IMMP2L: variants seen among roughly 807,000 people sequenced by gnomAD.
IMMP2L encodes the protein inner mitochondrial membrane peptidase subunit 2.
In IMMP2L, 18 loss-of-function variants were observed where a neutral mutation model predicts 19.3. That is an observed-to-expected ratio of 0.93 (90% CI 0.64 to 1.38). The LOEUF (loss-of-function observed/expected upper bound fraction) is 1.38. IMMP2L is among the 40% of genes most tolerant of loss of function. IMMP2L has a pLI of 0.00. For synonymous variants in IMMP2L, 76 were observed against 73.0 expected, an observed-to-expected ratio of 1.04 and a Z score of -0.21; for missense variants, 233 against 218.2, an observed-to-expected ratio of 1.07 and a Z score of -0.43.
At chr7:111,249,391 C>T (rs1204008783) in intron 3 of IMMP2L, among the ~76,000 whole-genome samples, 87 of 144,124 alleles carry the variant, frequency 6.0e-4, no homozygotes, top group African/African-American at 1.8e-3. Context: ...GCGCACGGTG[C>T]GCACACACAC....
chr7:111,060,683 A>G lies in IMMP2L; in HGVS notation c.240-97118T>C, dbSNP rs535768573. On this transcript the variant is annotated intron_variant, in intron 3 of 5. Transcript: ENST00000405709. ...TCTTAGTGTTTTTGCAAAAGATCTAAATGCATTAATTCATGTAAAGTGCTT... is the reference window on the plus strand; with the variant it reads ...TCTTAGTGTTTTTGCAAAAGATCTAGATGCATTAATTCATGTAAAGTGCTT... Among the ~76,000 whole-genome samples, 29 of 152,336 alleles carry G rather than the reference A, an allele frequency of 1.9e-4. No homozygotes were observed. The South Asian group carries it at 5.8e-3, about 30-fold the overall frequency.
chr7:111,437,392 C>T (rs1837285348), intron 3 of IMMP2L, among the ~76,000 whole-genome samples: 1 of 151,772 alleles, frequency 6.6e-6, no homozygotes, highest in Non-Finnish European at 1.5e-5. Flanking sequence ...TTGCACTGAG[C>T]CGAGATCACG....
At position 111,280,801 on chromosome 7, in the gene IMMP2L, G is replaced by A. The variant is rs375668147; in HGVS notation, c.239+206437C>T. Among the ~76,000 whole-genome samples the A allele has an allele frequency of 1.2e-4, 18 of 152,208 alleles. No individual in the cohort carries two copies. The East Asian group carries it at 2.9e-3, about 25-fold the overall frequency. Reference sequence around the variant, plus strand: ...AGGAGTGAAATTGGCCGGGTGCGGTGGCTCAGGCCTGTAATCCCAGGACTT... The same window carrying A: ...AGGAGTGAAATTGGCCGGGTGCGGTAGCTCAGGCCTGTAATCCCAGGACTT... On this transcript the variant is annotated intron_variant, in intron 3 of 5. Transcript: ENST00000405709.
chr7:111,289,944 C>G (rs774133581), intron 3 of IMMP2L, among the ~76,000 whole-genome samples: 1 of 151,962 alleles, frequency 6.6e-6, no homozygotes, highest in Non-Finnish European at 1.5e-5. Context: ...AACATAAAAC[C>G]TAGTAGTGAA....
intron 3 of IMMP2L, among the ~76,000 whole-genome samples, chr7:111,358,945 G>A (rs1403391729): frequency 6.6e-6 from 1 of 152,136 alleles, no homozygotes; most frequent in African/African-American, 2.4e-5. Context: ...GTGCAGATTA[G>A]TGTACTCAAC....
At chr7:111,016,792 A>T (rs1359412559) in intron 3 of IMMP2L, among the ~76,000 whole-genome samples, 1 of 73,556 alleles carries the variant, frequency 1.4e-5, no homozygotes, top group Non-Finnish European at 2.4e-5. Flanking sequence ...TATATACTAT[A>T]TAATATATAA....
chr7:111,412,916 C>G (rs1032379264), intron 3 of IMMP2L, among the ~76,000 whole-genome samples: 9 of 151,394 alleles, frequency 5.9e-5, no homozygotes, highest in African/African-American at 1.9e-4. Context: ...GAAATAATAA[C>G]AAGCAAATAA....
chr7:111,172,971 G>A (rs1390426625), intron 3 of IMMP2L, among the ~76,000 whole-genome samples: 5 of 151,610 alleles, frequency 3.3e-5, no homozygotes, highest in Non-Finnish European at 7.4e-5. Context: ...GTATGGCAAA[G>A]AGAGAACTGT....
intron 3 of IMMP2L, among the ~76,000 whole-genome samples, chr7:111,013,485 G>A (rs1435153746): frequency 6.6e-6 from 1 of 152,056 alleles, no homozygotes; most frequent in Admixed American, 6.6e-5. Flanking sequence ...GAGGTGTGAG[G>A]GAGATGAAAA....
intron 3 of IMMP2L, among the ~76,000 whole-genome samples, chr7:111,377,279 G>A (rs1050848113): frequency 1.3e-5 from 2 of 151,612 alleles, no homozygotes; most frequent in African/African-American, 4.8e-5. Flanking sequence ...ATGTGTGTAT[G>A]CGTTCATATA....
intron 4 of IMMP2L, among the ~76,000 whole-genome samples, chr7:110,923,215 T>C (rs889548298): frequency 2.0e-5 from 3 of 152,192 alleles, no homozygotes; most frequent in African/African-American, 7.2e-5. Flanking sequence ...AATACAACTA[T>C]TATTATTAAT....
At chr7:110,704,286 A>G (rs962632868) in intron 5 of IMMP2L, among the ~76,000 whole-genome samples, 1 of 152,212 alleles carries the variant, frequency 6.6e-6, no homozygotes, top group African/African-American at 2.4e-5. Context: ...ATTGCTGAAT[A>G]AGAAAAATTG....
At chr7:111,544,812 G>T (rs1373535689) in intron 1 of IMMP2L, among the ~76,000 whole-genome samples, 1 of 151,754 alleles carries the variant, frequency 6.6e-6, no homozygotes, top group Non-Finnish European at 1.5e-5. Flanking sequence ...ATGAGGGAAG[G>T]AAGGTAACTG....
chr7:111,532,210 T>C (rs1381627138), intron 1 of IMMP2L, among the ~76,000 whole-genome samples: 1 of 152,124 alleles, frequency 6.6e-6, no homozygotes, highest in East Asian at 1.9e-4. Flanking sequence ...AGCACGGTCA[T>C]CCAAGTACCA....
At chr7:110,725,420 G>A (rs1795825283) in intron 5 of IMMP2L, among the ~76,000 whole-genome samples, 1 of 152,166 alleles carries the variant, frequency 6.6e-6, no homozygotes, top group South Asian at 2.1e-4. Context: ...ATAGATGAAA[G>A]ATTTTATTAA....
At chr7:111,109,826 T>C (rs184185245) in intron 3 of IMMP2L, among the ~76,000 whole-genome samples, 24 of 152,244 alleles carry the variant, frequency 1.6e-4, no homozygotes, top group African/African-American at 5.3e-4. Context: ...CTGAAGTTAA[T>C]GGAAAGGGCC....
intron 5 of IMMP2L, among the ~76,000 whole-genome samples, chr7:110,775,256 TG>T (rs1799305451): frequency 1.2e-5 from 1 of 84,912 alleles, no homozygotes; most frequent in East Asian, 2.6e-4. Context: ...CAGCTGTGTG[TG>T]TGTGTGTGTG....
chr7:111,026,065 A>C (rs1826781870), intron 3 of IMMP2L, among the ~76,000 whole-genome samples: 1 of 152,042 alleles, frequency 6.6e-6, no homozygotes, highest in South Asian at 2.1e-4. Context: ...AAAACAGAAG[A>C]ATTGTTTTAG....
At chr7:111,206,940 A>T (rs935448232) in intron 3 of IMMP2L, among the ~76,000 whole-genome samples, 7 of 152,026 alleles carry the variant, frequency 4.6e-5, no homozygotes, top group South Asian at 2.1e-4. Flanking sequence ...ATAAGTGGAT[A>T]AAAAAAAGAC....
Sources: allele counts gnomAD v4.1 joint callset (sites outside exome capture counted in the v4.1 genomes callset), GRCh38; gene constraint gnomAD v4.1.1; transcripts MANE v1.5; gene names NCBI Gene and HGNC (gene_info 2026-07-23, HGNC 2026-07-21).